Variants in ANAPC5 observed in about 807,000 individuals in gnomAD.
ANAPC5 encodes the protein anaphase-promoting complex subunit 5.
In ANAPC5, 60 loss-of-function variants were observed where a neutral mutation model predicts 91.3. The ratio of observed to expected loss-of-function variants is 0.66; its 90% CI spans 0.53 to 0.81. The LOEUF is 0.81. Among genes scored for constraint, ANAPC5 ranks in the 40% least tolerant of loss-of-function variants. The pLI is 0.00. For synonymous variants in ANAPC5, 340 were observed against 364.1 expected, an observed-to-expected ratio of 0.93 and a Z score of 0.75; for missense variants, 690 against 931.5, an observed-to-expected ratio of 0.74 and a Z score of 3.37.
chr12:121,322,413 C>A (rs546595545), intron 11 of ANAPC5, among the ~76,000 whole-genome samples: 1 of 151,356 alleles, frequency 6.6e-6, no homozygotes, highest in African/African-American at 2.4e-5. Context: ...CCCACCTCAG[C>A]CCCCCAAATT....
At chr12:121,350,057 C>T (rs1351489500) in intron 1 of ANAPC5, among the ~76,000 whole-genome samples, 1 of 151,972 alleles carries the variant, frequency 6.6e-6, no homozygotes, top group African/African-American at 2.4e-5. Flanking sequence ...GAGGGAAATG[C>T]ATTTATAGTA....
chr12:121,351,475 T>G (rs1398954614), intron 1 of ANAPC5, among the ~76,000 whole-genome samples: 1 of 151,932 alleles, frequency 6.6e-6, no homozygotes, highest in Non-Finnish European at 1.5e-5. Flanking sequence ...TTTTTTTTTT[T>G]GAAACGGAGT....
chr12:121,345,502 T>C (rs917340040), intron 4 of ANAPC5, among the ~76,000 whole-genome samples: 1 of 152,094 alleles, frequency 6.6e-6, no homozygotes, highest in African/African-American at 2.4e-5. Context: ...TTGCTCCTAG[T>C]CACCGAACCC....
At chr12:121,346,541 A>G (rs904276227) in intron 3 of ANAPC5, 7 of 194,262 alleles carry the variant, frequency 3.6e-5, no homozygotes, top group East Asian at 1.3e-4. Flanking sequence ...TTTGCATACT[A>G]TATCAATAAT....
upstream of ANAPC5, among the ~76,000 whole-genome samples, chr12:121,352,772 T>A (rs1482364535): frequency 1.2e-5 from 1 of 80,292 alleles, no homozygotes; most frequent in East Asian, 3.9e-4. Flanking sequence ...TATCTCGCTA[T>A]GTTACCAAGA....
At chr12:121,330,928 G>T in intron 8 of ANAPC5, 1 of 459,308 alleles carries the variant, frequency 2.2e-6, no homozygotes, top group South Asian at 2.4e-5. Context: ...AAAAAAGCAT[G>T]AAGCTCCCAT....
At chr12:121,352,551 A>T (rs1272325995), upstream of ANAPC5, 1 of 529,850 alleles carries the variant, frequency 1.9e-6, no homozygotes, top group Non-Finnish European at 3.4e-6. Flanking sequence ...GAGTGCGGGG[A>T]GGGGTGCACC....
Position 121,313,512 on chromosome 12 carries a change from C to T in ANAPC5, c.1894-3649G>A, listed in dbSNP as rs563995826. Among the ~76,000 whole-genome samples, 3 of 152,178 alleles carry T rather than the reference C, an allele frequency of 2.0e-5. No homozygotes were observed. In the South Asian group the frequency reaches 6.2e-4, roughly 32 times the overall value. On this transcript the variant is annotated intron_variant, in intron 15 of 16. Coordinates refer to ENST00000261819, the MANE Select transcript of ANAPC5 (RefSeq NM_016237.5). Reference sequence around the variant, plus strand: ...TCGACAAAATTGATAAACTGTTAGACTGACCAAGAAAAAAGAGACAAGACT... The same window carrying T: ...TCGACAAAATTGATAAACTGTTAGATTGACCAAGAAAAAAGAGACAAGACT...
intron 15 of ANAPC5, among the ~76,000 whole-genome samples, chr12:121,311,143 C>T (rs1902153142): frequency 6.6e-6 from 1 of 151,758 alleles, no homozygotes; most frequent in Admixed American, 6.6e-5. Context: ...TCCTGTAGTC[C>T]TAGCTACTTG....
chr12:121,321,819 T>C (rs1397741870), intron 11 of ANAPC5, among the ~76,000 whole-genome samples: 1 of 151,906 alleles, frequency 6.6e-6, no homozygotes, highest in African/African-American at 2.4e-5. Flanking sequence ...ATTACAGGCA[T>C]GAGCCAATGT....
intron 5 of ANAPC5, among the ~76,000 whole-genome samples, chr12:121,337,756 C>T (rs1903301660): frequency 1.3e-5 from 2 of 152,110 alleles, no homozygotes; most frequent in African/African-American, 2.4e-5. Context: ...CCTATAAGCC[C>T]CTCCATGCTC....
rs1903473732 is a variant in ANAPC5 at position 121,341,915 on chromosome 12, A to G, written c.657+88T>C. On this transcript the variant is annotated intron_variant, in intron 5 of 16. Transcript: ENST00000261819. ...ACTGACCAACAAACCTATGCACATA[A>G]CGGGCCTATGCCACAACACACATCA... 4 of 1,006,574 alleles carry G rather than the reference A, an allele frequency of 4.0e-6. No individual in the cohort carries two copies. The Admixed American group carries it at 9.6e-5, about 24-fold the overall frequency. 62.4% of individuals were successfully genotyped at this position (1,006,574 alleles called of 1,614,324 possible).
At chr12:121,337,510 C>CCCCTCATCT (rs1903291903) in intron 5 of ANAPC5, 118 bp from the exon 6 acceptor site, 3 of 713,188 alleles carry the variant, frequency 4.2e-6, no homozygotes, top group Non-Finnish European at 6.7e-6. Flanking sequence ...CAGGCTCTGG[C>CCCCTCATCT]CCCTCATCTC....
At chr12:121,328,949 C>A (rs1555272575) in intron 9 of ANAPC5, 2 of 153,176 alleles carry the variant, frequency 1.3e-5, no homozygotes, top group African/African-American at 4.8e-5. Flanking sequence ...CTATCATGAG[C>A]AACAAAATTA....
chr12:121,319,216 C>T (rs1902502487), intron 13 of ANAPC5, among the ~76,000 whole-genome samples: 2 of 149,760 alleles, frequency 1.3e-5, no homozygotes, highest in Middle Eastern at 3.5e-3. Flanking sequence ...TTATTTTCTT[C>T]ATTTTGCTTA....
In ANAPC5 at chr12:121,342,100, A is replaced by C. The variant is rs372244715; in HGVS notation, c.591-31T>G. ...AAAAATAAAAAAACAAAAATAGTAAAGAATTACACAAAAGTAAAAATGATA... is the reference window on the plus strand; with the variant it reads ...AAAAATAAAAAAACAAAAATAGTAACGAATTACACAAAAGTAAAAATGATA... On this transcript the variant is annotated intron_variant, in intron 4 of 16. Coordinates refer to ENST00000261819, the MANE Select transcript of ANAPC5 (RefSeq NM_016237.5). The surrounding 1 kb of genome is among the most constrained non-coding windows in gnomAD (Gnocchi z 4.1). 5 of 1,465,138 alleles carry C rather than the reference A, an allele frequency of 3.4e-6. No individual in the cohort carries two copies. The African/African-American group carries it at 7.0e-5, about 21-fold the overall frequency. 90.8% of individuals were successfully genotyped at this position (1,465,138 alleles called of 1,614,324 possible). A position where few individuals can be genotyped will look rare whatever the true frequency, so the allele number is the denominator to read the frequency against.
chr12:121,353,881 G>C (rs1903993613), upstream of ANAPC5, among the ~76,000 whole-genome samples: 1 of 151,976 alleles, frequency 6.6e-6, no homozygotes, highest in African/African-American at 2.4e-5. Flanking sequence ...ACATGAGCAG[G>C]GCAGGAGACC....
chr12:121,345,742 T>TAA, intron 4 of ANAPC5, 97 bp downstream of exon 4: 1 of 1,285,468 alleles, frequency 7.8e-7, no homozygotes, highest in Non-Finnish European at 1.1e-6. Context: ...AAAAAGGGCA[T>TAA]AAGCCAGCAC....
intron 15 of ANAPC5, 43 bp from the exon 16 acceptor site, chr12:121,309,906 T>C (rs1042751054): frequency 6.6e-7 from 1 of 1,525,720 alleles, no homozygotes; most frequent in Non-Finnish European, 8.8e-7. Context: ...CCAAACCCAC[T>C]GCCCTTCACC....
Sources: allele counts gnomAD v4.1 joint callset (sites outside exome capture counted in the v4.1 genomes callset), GRCh38; gene constraint gnomAD v4.1.1; non-coding constraint Gnocchi (gnomAD v3.1); transcripts MANE v1.5; gene names NCBI Gene and HGNC (gene_info 2026-07-23, HGNC 2026-07-21).